The following JAKMIP3 variants were observed in gnomAD, a reference collection of about 807,000 sequenced individuals.
The protein encoded by JAKMIP3 is janus kinase and microtubule-interacting protein 3.
Under a neutral mutation model 118.5 loss-of-function variants are expected in JAKMIP3, and 58 were observed. The ratio of observed to expected loss-of-function variants is 0.49; its 90% CI spans 0.40 to 0.61. JAKMIP3 has a LOEUF of 0.61. JAKMIP3 is among the 20% of genes least tolerant of loss of function. The pLI, the probability that JAKMIP3 is intolerant of heterozygous loss-of-function variation, is 0.00. For missense variants in JAKMIP3, 950 were observed against 1,109.0 expected (o/e 0.86, Z 2.04); for synonymous variants, 486 against 451.2 (o/e 1.08, Z -0.98).
chr10:132,114,949 G>A (rs777284502), intron 2 of JAKMIP3, among the ~76,000 whole-genome samples: 5 of 152,068 alleles, frequency 3.3e-5, no homozygotes, highest in African/African-American at 4.8e-5. Context: ...TGAATTGAGC[G>A]TTCCTCAATG....
At chr10:132,159,628 C>G (rs1304933485) in intron 19 of JAKMIP3, among the ~76,000 whole-genome samples, 4 of 79,348 alleles carry the variant, frequency 5.0e-5, no homozygotes, top group East Asian at 3.5e-4. Context: ...GGGTCCTCTT[C>G]CTTTGTGATG....
intron 4 of JAKMIP3, 79 bp downstream of exon 4, chr10:132,133,606 C>T: frequency 7.5e-7 from 1 of 1,336,476 alleles, no homozygotes; most frequent in African/African-American, 1.5e-5. Flanking sequence ...CCTGCATGGG[C>T]CACTCCCCCA....
At chr10:132,147,204 C>G (rs79667186) in intron 13 of JAKMIP3, among the ~76,000 whole-genome samples, 2,716 of 152,322 alleles carry the variant, frequency 0.018, 73 homozygotes, top group African/African-American at 0.061. Flanking sequence ...TGAGCCGGCT[C>G]ACTCCAAGGA....
chr10:132,110,431 G>A (rs2046686815), intron 2 of JAKMIP3, among the ~76,000 whole-genome samples: 1 of 152,278 alleles, frequency 6.6e-6, no homozygotes, highest in South Asian at 2.1e-4. Flanking sequence ...ATGTGAAGAT[G>A]TGCTGTCACG....
intron 2 of JAKMIP3, among the ~76,000 whole-genome samples, chr10:132,109,878 C>G (rs1315314809): frequency 6.6e-6 from 1 of 152,226 alleles, no homozygotes; most frequent in Non-Finnish European, 1.5e-5. Flanking sequence ...TTGCATAAGT[C>G]TTGGCCAAGC....
At chr10:132,046,317 G>A (rs1030944905) in intron 1 of JAKMIP3, among the ~76,000 whole-genome samples, 1 of 152,130 alleles carries the variant, frequency 6.6e-6, no homozygotes. Context: ...ATAGCTGGGC[G>A]TGGTGGCGGG....
At chr10:132,056,474 A>C (rs542037721) in intron 1 of JAKMIP3, among the ~76,000 whole-genome samples, 1 of 152,262 alleles carries the variant, frequency 6.6e-6, no homozygotes, top group East Asian at 1.9e-4. Flanking sequence ...TTGGTACTGG[A>C]GACCAATCGA....
chr10:132,077,146 C>T (rs6560676), intron 1 of JAKMIP3, among the ~76,000 whole-genome samples: 114,889 of 151,924 alleles, frequency 0.76, 44,409 homozygotes, highest in East Asian at 1. Context: ...TCTCCTTGCT[C>T]GTGAGCAAAA....
At chr10:132,042,727 C>G (rs190954872) in intron 1 of JAKMIP3, among the ~76,000 whole-genome samples, 5 of 152,282 alleles carry the variant, frequency 3.3e-5, no homozygotes, top group Admixed American at 1.3e-4. Flanking sequence ...TTTTAGAGCT[C>G]TCTGCCATTG....
intron 23 of JAKMIP3, chr10:132,181,557 G>A (rs1006751443): frequency 1.3e-5 from 2 of 152,186 alleles, no homozygotes; most frequent in Non-Finnish European, 2.9e-5. Flanking sequence ...ATTTAGAAAC[G>A]AACCCGATTA....
chr10:132,149,609 C>CCCCCTCTCCGCCCCCGCCCCA, intron 15 of JAKMIP3, 99 bp downstream of exon 15: 2 of 203,410 alleles, frequency 9.8e-6, no homozygotes, highest in South Asian at 7.1e-5. Flanking sequence ...CCCCGCCCCA[C>CCCCCTCTCCGCCCCCGCCCCA]CCCCCTCCGC....
chr10:132,180,884 T>C (rs889402369), intron 23 of JAKMIP3, among the ~76,000 whole-genome samples: 2 of 151,940 alleles, frequency 1.3e-5, no homozygotes, highest in Non-Finnish European at 2.9e-5. Flanking sequence ...GGCATGTGCA[T>C]GTATGTGTAT....
At chr10:132,047,939 C>T (rs1033588688) in intron 1 of JAKMIP3, among the ~76,000 whole-genome samples, 3 of 152,232 alleles carry the variant, frequency 2.0e-5, no homozygotes, top group Non-Finnish European at 4.4e-5. Context: ...TGTGTCTCCT[C>T]GGGCTCCTCC....
At chr10:132,051,753 C>T (rs1027059646) in intron 1 of JAKMIP3, among the ~76,000 whole-genome samples, 6 of 152,150 alleles carry the variant, frequency 3.9e-5, no homozygotes, top group East Asian at 3.9e-4. Flanking sequence ...CCAGAGGCAT[C>T]GGCAATCACA....
At chr10:132,082,038 G>A (rs1037993827) in intron 1 of JAKMIP3, among the ~76,000 whole-genome samples, 2 of 151,510 alleles carry the variant, frequency 1.3e-5, no homozygotes, top group Non-Finnish European at 2.9e-5. Flanking sequence ...CCTCCTCATT[G>A]TGAGTCCCAG....
chr10:132,139,679 C>A (rs2053066176), intron 9 of JAKMIP3, among the ~76,000 whole-genome samples: 1 of 152,224 alleles, frequency 6.6e-6, no homozygotes. Context: ...CCAGCAGACG[C>A]CTTGGCCCTG....
chr10:132,046,599 G>A (rs1262522077), intron 1 of JAKMIP3, among the ~76,000 whole-genome samples: 1 of 152,158 alleles, frequency 6.6e-6, no homozygotes. Context: ...GTGCGCATCC[G>A]CCACGGCTTA....
chr10:132,061,244 GCA>G (rs1554913470), upstream of JAKMIP3, among the ~76,000 whole-genome samples: 238 of 130,736 alleles, frequency 1.8e-3, 1 homozygote, highest in African/African-American at 5.8e-3. Context: ...CCGTGACGGC[GCA>G]CACACACACC....
chr10:132,106,683 C>T (rs545272883), intron 2 of JAKMIP3, among the ~76,000 whole-genome samples: 9 of 152,360 alleles, frequency 5.9e-5, no homozygotes, highest in South Asian at 2.1e-4. Context: ...GGCCCCGACT[C>T]GCTGCAGGAG....
Sources: allele counts gnomAD v4.1 joint callset (sites outside exome capture counted in the v4.1 genomes callset), GRCh38; gene constraint gnomAD v4.1.1; transcripts MANE v1.5; gene names NCBI Gene and HGNC (gene_info 2026-07-23, HGNC 2026-07-21).